The following CMKLR2 variants were observed in gnomAD, a reference collection of about 807,000 sequenced individuals.
The protein encoded by CMKLR2 is chemerin-like receptor 2.
In CMKLR2, 18 loss-of-function variants were observed where a neutral mutation model predicts 23.0. That is an observed-to-expected ratio of 0.78 (90% CI 0.54 to 1.16). The LOEUF (loss-of-function observed/expected upper bound fraction) is 1.16. Among genes scored for constraint, CMKLR2 ranks in the 50% most tolerant of loss-of-function variants. CMKLR2 has a pLI of 0.00. For synonymous variants in CMKLR2, 158 were observed against 158.9 expected (o/e 0.99, Z 0.05); for missense variants, 401 against 412.7 (o/e 0.97, Z 0.25).
rs115999884 is a variant in CMKLR2 at position 206,191,760 on chromosome 2, C to T, written c.-28-14485G>A. On this transcript the variant is annotated intron_variant, in intron 1 of 1. Transcript: ENST00000621141. ...TTGGCTCACTGCAGCCTTGACCTCC[C>T]AGGGCTCAAGCAATCCTCTACCTCA... Among the ~76,000 whole-genome samples, 1,026 of 150,938 alleles carry T rather than the reference C, an allele frequency of 6.8e-3. 11 individuals are homozygous for T. The highest frequency in any genetic ancestry group is 0.024 in the African/African-American group (976 of 41,000).
At chr2:206,209,673 G>T (rs1223911129) in intron 1 of CMKLR2, among the ~76,000 whole-genome samples, 1 of 145,502 alleles carries the variant, frequency 6.9e-6, no homozygotes, top group Non-Finnish European at 1.5e-5. Context: ...TTTTGAGACG[G>T]AGTCTTGCTG....
chr2:206,190,521 A>C (rs1157052885), intron 1 of CMKLR2, among the ~76,000 whole-genome samples: 3 of 152,202 alleles, frequency 2.0e-5, no homozygotes, highest in African/African-American at 7.2e-5. Flanking sequence ...GAGAGAATTG[A>C]GATGAGGGAG....
At chr2:206,193,444 A>G (rs900818855) in intron 1 of CMKLR2, among the ~76,000 whole-genome samples, 7 of 152,182 alleles carry the variant, frequency 4.6e-5, no homozygotes, top group Non-Finnish European at 8.8e-5. Flanking sequence ...TTTTATCAGG[A>G]AGAATATGGG....
chr2:206,177,767 A>G lies in CMKLR2; in HGVS notation c.-28-492T>C, dbSNP rs1355203342. ...GGTGAGCCTCAGTTTCACTCTGATT[A>G]TCATTCTCCCAGCATGAGAGTTCCT... On this transcript the variant is annotated intron_variant, in intron 1 of 1. Transcript: ENST00000621141. 3.9e-5 allele frequency among the ~76,000 whole-genome samples: 6 copies of G among 152,178 alleles called. No individual in the cohort carries two copies. The East Asian group carries it at 1.2e-3, about 29-fold the overall frequency.
intron 1 of CMKLR2, among the ~76,000 whole-genome samples, chr2:206,204,271 G>A (rs1368112656): frequency 6.7e-6 from 1 of 149,434 alleles, no homozygotes; most frequent in Non-Finnish European, 1.5e-5. Context: ...GGAGAATGGT[G>A]TGAACCCGGG....
chr2:206,178,841 GT>G (rs1688311706), intron 1 of CMKLR2, among the ~76,000 whole-genome samples: 1 of 151,908 alleles, frequency 6.6e-6, no homozygotes, highest in Admixed American at 6.6e-5. Flanking sequence ...TAGAGACAGG[GT>G]TTCACCATGT....
In CMKLR2 at chr2:206,179,374, CTT is replaced by C. The variant is rs1178241566; in HGVS notation, c.-28-2101_-28-2100del. On this transcript the variant is annotated intron_variant, in intron 1 of 1. Coordinates refer to ENST00000621141, the MANE Select transcript of CMKLR2 (RefSeq NM_001389445.1). ...ACAGGCATGAGCCACCGCACCCAGC[CTT>C]TTTTTTTTTTTTTTTTTTTTGAGAC... is the stretch of plus-strand genomic sequence containing the variant. Among the ~76,000 whole-genome samples, 403 of 76,190 alleles carry C rather than the reference CTT, an allele frequency of 5.3e-3. 2 individuals are homozygous for C. The highest frequency in any genetic ancestry group is 0.019 in the African/African-American group (364 of 18,758). 50.0% of individuals were successfully genotyped at this position (76,190 alleles called of 152,430 possible).
chr2:206,186,278 A>G (rs1688577157), intron 1 of CMKLR2, among the ~76,000 whole-genome samples: 1 of 151,766 alleles, frequency 6.6e-6, no homozygotes, highest in Non-Finnish European at 1.5e-5. Flanking sequence ...TGCCTGGCTA[A>G]TTTTTTGTGT....
At chr2:206,199,471 G>A (rs1055643480) in intron 1 of CMKLR2, among the ~76,000 whole-genome samples, 1 of 152,110 alleles carries the variant, frequency 6.6e-6, no homozygotes, top group South Asian at 2.1e-4. Context: ...AATGCCGGGA[G>A]GGAAAGAGGC....
rs71034423 is a variant in CMKLR2 at position 206,207,728 on chromosome 2, C to CTTTTTTTTTTTTTTTTTTT, written c.-29+5560_-29+5578dup. Among the ~76,000 whole-genome samples the CTTTTTTTTTTTTTTTTTTT allele has an allele frequency of 1.9e-3, 81 of 43,568 alleles. 22 individuals are homozygous for CTTTTTTTTTTTTTTTTTTT. The highest frequency in any genetic ancestry group is 4.1e-3 in the African/African-American group (33 of 8,130). The allele number at this position is 43,568 out of a possible 152,430, so 28.6% of individuals were successfully genotyped here. A position where few individuals can be genotyped will look rare whatever the true frequency, so the allele number is the denominator to read the frequency against. Reference sequence around the variant, plus strand: ...ATCTGGGTCTGTCTGACCTCAGGGCCTTTTTTTTTTTTTTTTTTTTTTTTT... The same window carrying CTTTTTTTTTTTTTTTTTTT: ...ATCTGGGTCTGTCTGACCTCAGGGCCTTTTTTTTTTTTTTTTTTTTTTTTTTTTTTTTTTTTTTTTTTTT... On this transcript the variant is annotated intron_variant, in intron 1 of 1. Transcript: ENST00000621141.
At chr2:206,196,570 C>T (rs1008422684) in intron 1 of CMKLR2, among the ~76,000 whole-genome samples, 3 of 152,128 alleles carry the variant, frequency 2.0e-5, no homozygotes, top group African/African-American at 4.8e-5. Context: ...AAGCCCAGAA[C>T]GATGCATGGA....
chr2:206,188,392 A>G (rs1688648254), intron 1 of CMKLR2, among the ~76,000 whole-genome samples: 2 of 152,232 alleles, frequency 1.3e-5, no homozygotes, highest in Non-Finnish European at 2.9e-5. Flanking sequence ...TTTCGACTTG[A>G]CAGAAAAGAA....
chr2:206,205,919 G>A (rs188041669), intron 1 of CMKLR2, among the ~76,000 whole-genome samples: 2 of 152,020 alleles, frequency 1.3e-5, no homozygotes, highest in Non-Finnish European at 2.9e-5. Context: ...GGCTGGTCTC[G>A]AACTCCTGAC....
At position 206,175,868 on chromosome 2, in the gene CMKLR2, A is replaced by C. The variant is rs1216380339; in HGVS notation, c.*312T>G. The stretch of plus-strand genomic sequence containing the variant: ...TTCAAAAAATAACTGATATTGCTTC[A>C]AAAGTGATTAATTCACCATGGTATA... On this transcript the variant is annotated 3_prime_UTR_variant, in exon 2 of 2. Coordinates refer to ENST00000621141, the MANE Select transcript of CMKLR2 (RefSeq NM_001389445.1). 4.7e-6 allele frequency: 1 copy of C among 214,740 alleles called. No individual in the cohort carries two copies. The highest frequency in any genetic ancestry group is 9.1e-6 in the Non-Finnish European group (1 of 109,732). The allele number at this position is 214,740 out of a possible 1,614,324, so 13.3% of individuals were successfully genotyped here. A position where few individuals can be genotyped will look rare whatever the true frequency, so the allele number is the denominator to read the frequency against.
At chr2:206,196,204 A>C (rs1005093461) in intron 1 of CMKLR2, among the ~76,000 whole-genome samples, 2 of 151,858 alleles carry the variant, frequency 1.3e-5, no homozygotes, top group Non-Finnish European at 2.9e-5. Flanking sequence ...GTGAAACCCT[A>C]TCTCTACTAA....
At position 206,200,957 on chromosome 2, in the gene CMKLR2, C is replaced by G. The variant is rs2105827304; in HGVS notation, c.-29+12350G>C. 2.0e-5 allele frequency among the ~76,000 whole-genome samples: 3 copies of G among 152,078 alleles called. No individual in the cohort carries two copies. In the South Asian group the frequency reaches 6.2e-4, roughly 32 times the overall value. On this transcript the variant is annotated intron_variant, in intron 1 of 1. Transcript: ENST00000621141. Reference sequence around the variant, plus strand: ...CTTTCTTCCTTGCGTTTTATTTTTACTGTTATTTTTTAGCGGTAGGGTCTC... The same window carrying G: ...CTTTCTTCCTTGCGTTTTATTTTTAGTGTTATTTTTTAGCGGTAGGGTCTC...
chr2:206,198,321 T>G (rs1349204421), intron 1 of CMKLR2, among the ~76,000 whole-genome samples: 3 of 152,210 alleles, frequency 2.0e-5, no homozygotes, highest in Admixed American at 1.3e-4. Context: ...GAGATGGTTC[T>G]AAAATGTAGC....
At chr2:206,197,383 T>C (rs1485397590) in intron 1 of CMKLR2, among the ~76,000 whole-genome samples, 1 of 152,206 alleles carries the variant, frequency 6.6e-6, no homozygotes, top group Admixed American at 6.6e-5. Flanking sequence ...CTGGGTTTTC[T>C]AAGGGCAAGG....
chr2:206,176,940 C>G lies in CMKLR2; in HGVS notation c.308G>C (p.Trp103Ser). 6.2e-7 allele frequency: 1 copy of G among 1,614,176 alleles called. No individual in the cohort carries two copies. Among genetic ancestry groups the G allele is most frequent in the Non-Finnish European group, 8.5e-7 (1 of 1,180,038 alleles). Residue 103 changes from tryptophan to serine, a missense_variant, in exon 2 of 2, where the codon TGG becomes TCG. By Grantham distance (177) the Trp-to-Ser change is radical. Transcript: ENST00000621141. ...TTTGCACAGCCAGATGCCAAAGGGC[C>G]AGTGGAAATTCATGGCCACATAGGA... ...YISYVAMNFHWPFGIWLCKAN... is the reference protein window; with the variant it reads ...YISYVAMNFHSPFGIWLCKAN...
Sources: gnomAD v4.1 joint callset for allele counts (sites outside exome capture counted in the v4.1 genomes callset) on GRCh38, gnomAD v4.1.1 for gene constraint, MANE v1.5 for transcripts, NCBI Gene and HGNC (gene_info 2026-07-23, HGNC 2026-07-21) for gene names.